Variants in BMAL2 observed in about 807,000 individuals in gnomAD.
BMAL2 encodes the protein basic helix-loop-helix ARNT-like protein 2.
At chr12:27,352,751 A>ACTT in the BMAL2 span, among the ~76,000 whole-genome samples, 1 of 152,228 alleles carries the variant, frequency 6.6e-6, no homozygotes, top group East Asian at 1.9e-4. Flanking sequence ...AAGTTTCAGG[A>ACTT]TACAAAATAA....
At chr12:27,374,972 C>T in the BMAL2 span, among the ~76,000 whole-genome samples, 5 of 152,100 alleles carry the variant, frequency 3.3e-5, no homozygotes, top group Admixed American at 1.3e-4. Context: ...CATTTGTCTT[C>T]GTGGTCTTTT....
At chr12:27,348,892 G>A in the BMAL2 span, among the ~76,000 whole-genome samples, 1 of 152,174 alleles carries the variant, frequency 6.6e-6, no homozygotes, top group Non-Finnish European at 1.5e-5. Context: ...AGCAGGATGA[G>A]CTCAATGATG....
chr12:27,401,703 A>G, the BMAL2 span: 8 of 1,480,726 alleles, frequency 5.4e-6, no homozygotes, highest in Non-Finnish European at 7.3e-6. Flanking sequence ...TAAGACCTTT[A>G]TATTGATTTC....
the BMAL2 span, chr12:27,400,588 C>T: frequency 1.2e-6 from 2 of 1,613,714 alleles, no homozygotes; most frequent in Non-Finnish European, 1.7e-6. Context: ...AGCTGGCCTC[C>T]AAATATTGTT....
the BMAL2 span, among the ~76,000 whole-genome samples, chr12:27,358,790 G>A: frequency 1.3e-5 from 2 of 152,132 alleles, no homozygotes; most frequent in East Asian, 3.9e-4. Context: ...TCGAGGGTAG[G>A]TACTAAATCT....
chr12:27,340,595 T>C, the BMAL2 span, among the ~76,000 whole-genome samples: 2 of 152,202 alleles, frequency 1.3e-5, no homozygotes, highest in Non-Finnish European at 2.9e-5. Flanking sequence ...CGGGCTTTTT[T>C]TTTGGTTCCA....
chr12:27,420,185 A>G, the BMAL2 span, among the ~76,000 whole-genome samples: 1 of 152,340 alleles, frequency 6.6e-6, no homozygotes, highest in South Asian at 2.1e-4. Flanking sequence ...TTTATCTGAC[A>G]GAAGATTGTT....
At chr12:27,411,830 C>T in the BMAL2 span, among the ~76,000 whole-genome samples, 1 of 152,024 alleles carries the variant, frequency 6.6e-6, no homozygotes, top group Non-Finnish European at 1.5e-5. Context: ...TTTTGATGTA[C>T]AAAAGTTTTT....
chr12:27,383,986 G>A, the BMAL2 span, among the ~76,000 whole-genome samples: 6 of 152,140 alleles, frequency 3.9e-5, no homozygotes, highest in African/African-American at 9.7e-5. Flanking sequence ...AGATCCGTCC[G>A]AGGGCCAATG....
chr12:27,401,895 A>G, the BMAL2 span, among the ~76,000 whole-genome samples: 1 of 152,216 alleles, frequency 6.6e-6, no homozygotes, highest in South Asian at 2.1e-4. Context: ...CTTACTTGAT[A>G]TAATATGTGA....
the BMAL2 span, among the ~76,000 whole-genome samples, chr12:27,404,505 C>G: frequency 6.6e-6 from 1 of 152,134 alleles, no homozygotes; most frequent in Non-Finnish European, 1.5e-5. Flanking sequence ...ATTATGATAA[C>G]TGTATAACCA....
chr12:27,393,335 G>T, the BMAL2 span, among the ~76,000 whole-genome samples: 1 of 152,134 alleles, frequency 6.6e-6, no homozygotes, highest in African/African-American at 2.4e-5. Flanking sequence ...TCAAACTTTA[G>T]CCTGCATTGG....
chr12:27,338,595 A>G, the BMAL2 span, among the ~76,000 whole-genome samples: 2 of 152,208 alleles, frequency 1.3e-5, no homozygotes, highest in African/African-American at 2.4e-5. Flanking sequence ...AGGAAAACTG[A>G]AAAGGAAAGA....
the BMAL2 span, among the ~76,000 whole-genome samples, chr12:27,386,790 C>T: frequency 1.5e-4 from 23 of 152,118 alleles, no homozygotes; most frequent in East Asian, 3.7e-3. Flanking sequence ...CCACCATGCC[C>T]GGCCAATTTT....
chr12:27,380,199 G>A, the BMAL2 span: 13 of 1,583,576 alleles, frequency 8.2e-6, no homozygotes, highest in Admixed American at 3.4e-5. Flanking sequence ...GGGGTGACTG[G>A]GGGTCTGCTG....
chr12:27,400,405 C>A, the BMAL2 span: 1 of 717,300 alleles, frequency 1.4e-6, no homozygotes, highest in Non-Finnish European at 2.1e-6. Context: ...ATACCATTCC[C>A]CTTTCATATT....
chr12:27,348,010 T>C, the BMAL2 span, among the ~76,000 whole-genome samples: 4 of 152,228 alleles, frequency 2.6e-5, no homozygotes, highest in African/African-American at 7.2e-5. Context: ...TGGCTCATTT[T>C]AAATGGTGAG....
chr12:27,368,711 T>C, the BMAL2 span, among the ~76,000 whole-genome samples: 3 of 152,192 alleles, frequency 2.0e-5, no homozygotes, highest in Admixed American at 6.5e-5. Flanking sequence ...GAAATACTTA[T>C]AAACATGAGG....
At chr12:27,344,516 G>A in the BMAL2 span, among the ~76,000 whole-genome samples, 39,264 of 152,130 alleles carry the variant, frequency 0.26, 5,788 homozygotes, top group East Asian at 0.68. Context: ...CAGGTTGTCA[G>A]TAAAGGCAGG....
Sources: gnomAD v4.1 joint callset for allele counts (sites outside exome capture counted in the v4.1 genomes callset) on GRCh38, gnomAD v4.1.1 for gene constraint, MANE v1.5 for transcripts, NCBI Gene and HGNC (gene_info 2026-07-23, HGNC 2026-07-21) for gene names.